Variants in SOX5 observed in about 807,000 individuals in gnomAD.
SOX5 encodes transcription factor SOX-5.
In SOX5, 9 loss-of-function variants were observed where a neutral mutation model predicts 92.0. The ratio of observed to expected loss-of-function variants is 0.10; its 90% CI spans 0.06 to 0.17. SOX5 has a LOEUF of 0.17. Among genes scored for constraint, SOX5 ranks in the 10% least tolerant of loss-of-function variants. The pLI is 1.00. For synonymous variants in SOX5, 344 were observed against 336.3 expected (o/e 1.02, Z -0.25); for missense variants, 642 against 944.5 (o/e 0.68, Z 4.20).
chr12:24,007,963 A>G (rs1210912260), intron 4 of SOX5, among the ~76,000 whole-genome samples: 1 of 151,598 alleles, frequency 6.6e-6, no homozygotes, highest in East Asian at 1.9e-4. Context: ...AAGCCTTCCT[A>G]ATTAAATTTA....
At chr12:23,645,497 T>C (rs1054829144) in intron 7 of SOX5, among the ~76,000 whole-genome samples, 1 of 152,144 alleles carries the variant, frequency 6.6e-6, no homozygotes, top group Non-Finnish European at 1.5e-5. Context: ...TAGGAAGTAT[T>C]AAAGATCACC....
chr12:23,642,326 G>C (rs1426366154), intron 7 of SOX5, among the ~76,000 whole-genome samples: 1 of 152,164 alleles, frequency 6.6e-6, no homozygotes, highest in Non-Finnish European at 1.5e-5. Flanking sequence ...ATAATTAAAT[G>C]ATTAGTATAA....
intron 1 of SOX5, among the ~76,000 whole-genome samples, chr12:24,399,387 A>T (rs1179209622): frequency 1.3e-5 from 2 of 152,244 alleles, no homozygotes; most frequent in East Asian, 3.8e-4. Context: ...AACTGTGATT[A>T]TAAAGATATA....
At chr12:23,906,970 T>A (rs2097300560) in intron 1 of SOX5, among the ~76,000 whole-genome samples, 1 of 152,100 alleles carries the variant, frequency 6.6e-6, no homozygotes, top group African/African-American at 2.4e-5. Flanking sequence ...TGTGAAATGC[T>A]TACCCATTCT....
intron 3 of SOX5, among the ~76,000 whole-genome samples, chr12:24,240,579 G>A (rs1965375646): frequency 6.6e-6 from 1 of 151,974 alleles, no homozygotes; most frequent in South Asian, 2.1e-4. Context: ...TCCTATTTGG[G>A]CAAGAATTGA....
intron 1 of SOX5, among the ~76,000 whole-genome samples, chr12:23,937,586 C>G (rs937736345): frequency 1.3e-5 from 2 of 150,930 alleles, no homozygotes; most frequent in Non-Finnish European, 3.0e-5. Context: ...TAACCTATTC[C>G]TAAAGCAAAC....
Position 23,915,723 on chromosome 12 carries a change from G to A in SOX5, c.39-19699C>T, listed in dbSNP as rs763624827. 3.9e-5 allele frequency among the ~76,000 whole-genome samples: 6 copies of A among 152,162 alleles called. No homozygotes were observed. In the East Asian group the frequency reaches 9.7e-4, roughly 24 times the overall value. On this transcript the variant is annotated intron_variant, in intron 1 of 14. Transcript: ENST00000451604. ...CATAGATAAAAGAAATTCCCACCAT[G>A]TGCTTCTTTAGGAGATGCTGAATCT...
chr12:24,107,406 G>T (rs1946813295), intron 4 of SOX5, among the ~76,000 whole-genome samples: 1 of 152,188 alleles, frequency 6.6e-6, no homozygotes, highest in Admixed American at 6.5e-5. Context: ...CACTAAATGG[G>T]AAAGGGAATT....
chr12:23,906,985 ATC>A (rs2097300892), intron 1 of SOX5, among the ~76,000 whole-genome samples: 1 of 152,062 alleles, frequency 6.6e-6, no homozygotes, highest in Admixed American at 6.6e-5. Flanking sequence ...CATTCTCAAT[ATC>A]TCTAATAAGG....
chr12:24,072,577 C>T (rs1393915813), intron 4 of SOX5, among the ~76,000 whole-genome samples: 1 of 152,178 alleles, frequency 6.6e-6, no homozygotes, highest in Non-Finnish European at 1.5e-5. Context: ...GATGACGGCT[C>T]TTGCCCAAGG....
intron 2 of SOX5, among the ~76,000 whole-genome samples, chr12:24,311,755 A>T (rs1047453428): frequency 2.0e-5 from 3 of 152,172 alleles, no homozygotes; most frequent in Admixed American, 6.5e-5. Flanking sequence ...CCCATCAGAC[A>T]TCTGGCCAGT....
intron 7 of SOX5, among the ~76,000 whole-genome samples, chr12:23,658,388 C>T (rs761950513): frequency 3.3e-5 from 5 of 152,150 alleles, no homozygotes; most frequent in Non-Finnish European, 7.4e-5. Context: ...ATTTTTCAAT[C>T]ATTTCATATT....
intron 1 of SOX5, among the ~76,000 whole-genome samples, chr12:24,468,993 C>T (rs188352786): frequency 1.1e-4 from 16 of 152,200 alleles, no homozygotes; most frequent in Admixed American, 5.9e-4. Context: ...ACAATTATGG[C>T]GCACTTTATT....
chr12:24,146,093 AAAT>A (rs1951050758), intron 4 of SOX5, among the ~76,000 whole-genome samples: 1 of 152,180 alleles, frequency 6.6e-6, no homozygotes, highest in African/African-American at 2.4e-5. Context: ...AGTAAACAGA[AAAT>A]CACCAAGGAT....
At chr12:24,109,450 C>A (rs1316853088) in intron 4 of SOX5, among the ~76,000 whole-genome samples, 1 of 152,132 alleles carries the variant, frequency 6.6e-6, no homozygotes, top group East Asian at 1.9e-4. Flanking sequence ...CTTTCTGCCT[C>A]ATTAAGGCTT....
chr12:23,905,809 T>C (rs1006421836), intron 1 of SOX5, among the ~76,000 whole-genome samples: 12 of 152,186 alleles, frequency 7.9e-5, no homozygotes, highest in African/African-American at 2.9e-4. Context: ...AATACTTTTC[T>C]CATGATTTAC....
intron 12 of SOX5, 104 bp from the exon 13 acceptor site, chr12:23,543,488 T>C: frequency 1.2e-6 from 1 of 820,988 alleles, no homozygotes; most frequent in Non-Finnish European, 1.9e-6. Flanking sequence ...AAAGAAAAAG[T>C]ACTTCTGATA....
chr12:23,658,252 C>T (rs12313073), intron 7 of SOX5, among the ~76,000 whole-genome samples: 17,424 of 152,118 alleles, frequency 0.11, 1,248 homozygotes, highest in Non-Finnish European at 0.16. Flanking sequence ...ACAATAATGT[C>T]AACTCCATTT....
intron 3 of SOX5, among the ~76,000 whole-genome samples, chr12:24,234,212 A>C (rs76941063): frequency 6.6e-6 from 1 of 152,346 alleles, no homozygotes; most frequent in Non-Finnish European, 1.5e-5. Context: ...ATATTTTGCA[A>C]AATCATATTC....
Sources: gnomAD v4.1 joint callset for allele counts (sites outside exome capture counted in the v4.1 genomes callset) on GRCh38, gnomAD v4.1.1 for gene constraint, MANE v1.5 for transcripts, NCBI Gene and HGNC (gene_info 2026-07-23, HGNC 2026-07-21) for gene names.